The following TSHZ1 variants were observed in gnomAD, a reference collection of about 807,000 sequenced individuals.
TSHZ1 encodes teashirt homolog 1.
In TSHZ1, 12 loss-of-function variants were observed where a neutral mutation model predicts 67.1. The observed-to-expected ratio is 0.18, with a 90% confidence interval of 0.11 to 0.29. TSHZ1 has a LOEUF of 0.29. Ranked by LOEUF, TSHZ1 falls within the 10% of genes least tolerant of loss-of-function variation. The pLI, the probability that TSHZ1 is intolerant of heterozygous loss-of-function variation, is 1.00. For synonymous variants in TSHZ1, 632 were observed against 622.4 expected, an observed-to-expected ratio of 1.02 and a Z score of -0.23; for missense variants, 1,305 against 1,413.9, an observed-to-expected ratio of 0.92 and a Z score of 1.23.
chr18:75,277,045 C>G (rs555717205), intron 1 of TSHZ1, among the ~76,000 whole-genome samples: 1 of 152,246 alleles, frequency 6.6e-6, no homozygotes, highest in Admixed American at 6.5e-5. Flanking sequence ...CCCCACCTCT[C>G]TCTTCCTTCC....
At chr18:75,216,683 T>C (rs565371106) in intron 1 of TSHZ1, among the ~76,000 whole-genome samples, 1 of 152,340 alleles carries the variant, frequency 6.6e-6, no homozygotes, top group East Asian at 1.9e-4. Context: ...GTGCAGAATG[T>C]GTGAGCTATT....
At chr18:75,230,218 C>T (rs951698537) in intron 1 of TSHZ1, among the ~76,000 whole-genome samples, 1 of 152,164 alleles carries the variant, frequency 6.6e-6, no homozygotes, top group Non-Finnish European at 1.5e-5. Context: ...GGTCTCCTGC[C>T]ATCTTTGTGA....
intron 1 of TSHZ1, among the ~76,000 whole-genome samples, chr18:75,277,793 G>A (rs1385828513): frequency 6.6e-6 from 1 of 152,168 alleles, no homozygotes; most frequent in African/African-American, 2.4e-5. Flanking sequence ...GACCGCAGCA[G>A]CTGACAAGCA....
chr18:75,234,937 C>A (rs1218324432), intron 1 of TSHZ1, among the ~76,000 whole-genome samples: 3 of 152,180 alleles, frequency 2.0e-5, no homozygotes, highest in African/African-American at 7.2e-5. Context: ...AGACCCAGCG[C>A]ATCGAAAGAT....
At chr18:75,253,125 G>C (rs375966128) in intron 1 of TSHZ1, among the ~76,000 whole-genome samples, 1 of 151,962 alleles carries the variant, frequency 6.6e-6, no homozygotes, top group East Asian at 1.9e-4. Flanking sequence ...AGAGGTAATC[G>C]CCTAGGTTAT....
chr18:75,222,100 G>C (rs1449514167), intron 1 of TSHZ1, among the ~76,000 whole-genome samples: 1 of 152,094 alleles, frequency 6.6e-6, no homozygotes, highest in Admixed American at 6.6e-5. Flanking sequence ...TAGCGCACTG[G>C]CGGTTTTAAA....
rs751291580 is a variant in TSHZ1, at chr18:75,287,144, C to T, written c.1737C>T (p.Ile579=). ...GAPSWGGYPS[I]HAAYQLPGTV... is the part of the protein sequence containing the mutation. ...CCTCATGGGGTGGCTACCCCAGCAT[C>T]CATGCAGCCTACCAGCTCCCGGGCA... Residue 579 remains isoleucine (I), a synonymous_variant, in exon 2 of 2, where the codon ATC becomes ATT. Transcript: ENST00000580243. This position sits in a 1 kb window ranked among gnomAD's most constrained non-coding sequence, Gnocchi z 5.0. 3.7e-6 allele frequency: 6 copies of T among 1,614,072 alleles called. No individual in the cohort carries two copies. The highest frequency in any genetic ancestry group is 1.3e-5 in the African/African-American group (1 of 75,066).
At chr18:75,280,633 G>A (rs756764498) in intron 1 of TSHZ1, 32 of 556,962 alleles carry the variant, frequency 5.7e-5, no homozygotes, top group Admixed American at 1.3e-4. Context: ...TGGGGAAGTC[G>A]GTCAACTTCC....
chr18:75,282,465 G>T (rs2023698340), intron 1 of TSHZ1, among the ~76,000 whole-genome samples: 1 of 152,196 alleles, frequency 6.6e-6, no homozygotes, highest in African/African-American at 2.4e-5. Context: ...ACAGAATTGT[G>T]TCCCCGTCAT....
At chr18:75,265,790 G>A (rs1010308750) in intron 1 of TSHZ1, among the ~76,000 whole-genome samples, 3 of 152,028 alleles carry the variant, frequency 2.0e-5, no homozygotes, top group African/African-American at 7.2e-5. Context: ...TTTCTTGTCC[G>A]ATGATGAATT....
At chr18:75,217,575 T>C (rs2022786882) in intron 1 of TSHZ1, among the ~76,000 whole-genome samples, 1 of 152,234 alleles carries the variant, frequency 6.6e-6, no homozygotes, top group African/African-American at 2.4e-5. Flanking sequence ...AAGAAAACAA[T>C]GAACCAGGTT....
chr18:75,287,782 T>C lies in TSHZ1; in HGVS notation c.2375T>C (p.Val792Ala). ...AAGCCGGTGTACCCCGCCACCCCTG[T>C]GAAGCAGGCCGATGCCATCGACCGC... ...LDKPVYPATP[V>A]KQADAIDRYY... is the part of the protein sequence containing the mutation. Residue 792 changes from valine to alanine, a missense_variant, in exon 2 of 2, where the codon GTG becomes GCG. Transcript: ENST00000580243. The surrounding 1 kb of genome is among the most constrained non-coding windows in gnomAD (Gnocchi z 5.0). 1.9e-6 allele frequency: 3 copies of C among 1,614,162 alleles called. No individual in the cohort carries two copies. Among genetic ancestry groups the C allele is most frequent in the Non-Finnish European group, 2.5e-6 (3 of 1,180,046 alleles).
chr18:75,239,890 G>A (rs551602453), intron 1 of TSHZ1, among the ~76,000 whole-genome samples: 89 of 152,324 alleles, frequency 5.8e-4, no homozygotes, highest in African/African-American at 1.9e-3. Flanking sequence ...GGAGGTACGC[G>A]ATGGGTGTTG....
At chr18:75,226,103 ACAAATATAAACATTATAT>A (rs1333489651) in intron 1 of TSHZ1, among the ~76,000 whole-genome samples, 1 of 152,256 alleles carries the variant, frequency 6.6e-6, no homozygotes, top group Non-Finnish European at 1.5e-5. Flanking sequence ...GCAAAATCTT[ACAAATATAAACATTATAT>A]CAAATATAAA....
At chr18:75,221,784 G>A (rs1412740789) in intron 1 of TSHZ1, among the ~76,000 whole-genome samples, 1 of 152,076 alleles carries the variant, frequency 6.6e-6, no homozygotes, top group African/African-American at 2.4e-5. Context: ...TTGCTTTATT[G>A]TTACCTGGGA....
At chr18:75,255,978 C>G (rs528784165) in intron 1 of TSHZ1, among the ~76,000 whole-genome samples, 2 of 152,228 alleles carry the variant, frequency 1.3e-5, no homozygotes, top group African/African-American at 4.8e-5. Context: ...AATTTAATTT[C>G]GGAGCTATTT....
chr18:75,282,007 TC>T (rs1458866666), intron 1 of TSHZ1, among the ~76,000 whole-genome samples: 1 of 152,050 alleles, frequency 6.6e-6, no homozygotes. Flanking sequence ...ACCCCCTCCT[TC>T]GACGTCCGCA....
intron 1 of TSHZ1, among the ~76,000 whole-genome samples, chr18:75,260,511 CTCTG>C (rs1365243174): frequency 1.3e-5 from 2 of 152,196 alleles, no homozygotes; most frequent in Non-Finnish European, 2.9e-5. Flanking sequence ...CCAGCAGAAT[CTCTG>C]TCTGTGTCTG....
At chr18:75,223,595 T>C (rs1361907601) in intron 1 of TSHZ1, among the ~76,000 whole-genome samples, 3 of 151,396 alleles carry the variant, frequency 2.0e-5, no homozygotes, top group Non-Finnish European at 4.4e-5. Flanking sequence ...TATGGTTTTG[T>C]GGTTGGGGCT....
Sources: allele counts gnomAD v4.1 joint callset (sites outside exome capture counted in the v4.1 genomes callset), GRCh38; gene constraint gnomAD v4.1.1; non-coding constraint Gnocchi (gnomAD v3.1); transcripts MANE v1.5; gene names NCBI Gene and HGNC (gene_info 2026-07-23, HGNC 2026-07-21).